Variants in LAMA4 observed in about 807,000 individuals in gnomAD.
The protein encoded by LAMA4 is laminin subunit alpha-4.
In LAMA4, 127 loss-of-function variants were observed where a neutral mutation model predicts 207.1. The ratio of observed to expected loss-of-function variants is 0.61; its 90% CI spans 0.53 to 0.71. LAMA4 has a LOEUF of 0.71. LAMA4 is among the 30% of genes least tolerant of loss of function. The pLI is 0.00. For missense variants in LAMA4, 2,093 were observed against 2,246.5 expected, an observed-to-expected ratio of 0.93 and a Z score of 1.38; for synonymous variants, 761 against 816.0, an observed-to-expected ratio of 0.93 and a Z score of 1.15.
Position 112,131,072 on chromosome 6 carries a change from A to G in LAMA4, c.3864T>C (p.Asn1288=), listed in dbSNP as rs1554329622. Residue 1288 remains asparagine (N), a synonymous_variant, in exon 29 of 39, where the codon AAT becomes AAC. Transcript: ENST00000230538. The part of the protein sequence containing the change: ...GSDVFSISLD[N]GTVIMDVKGI... Reference sequence around the variant, plus strand: ...CCTTTACATCCATGATGACAGTACCATTATCCAGTGAGATGGAGAACACGT... The same window carrying G: ...CCTTTACATCCATGATGACAGTACCGTTATCCAGTGAGATGGAGAACACGT... 2.5e-6 allele frequency: 4 copies of G among 1,613,164 alleles called. No individual in the cohort carries two copies. The highest frequency in any genetic ancestry group is 3.4e-6 in the Non-Finnish European group (4 of 1,179,264).
chr6:112,239,301 G>A (rs1786188332), intron 2 of LAMA4, among the ~76,000 whole-genome samples: 1 of 127,574 alleles, frequency 7.8e-6, no homozygotes, highest in Non-Finnish European at 1.6e-5. Flanking sequence ...CCAGCCAGGT[G>A]ACAGAGTGAG....
intron 18 of LAMA4, among the ~76,000 whole-genome samples, chr6:112,146,646 G>T (rs1780049062): frequency 6.6e-6 from 1 of 152,150 alleles, no homozygotes; most frequent in African/African-American, 2.4e-5. Context: ...TAGTAGCTGG[G>T]CAAGAGCAAG....
intron 3 of LAMA4, among the ~76,000 whole-genome samples, chr6:112,215,512 T>C (rs1554358310): frequency 2.2e-5 from 3 of 136,174 alleles, no homozygotes; most frequent in African/African-American, 3.2e-5. Context: ...AAAATACTCT[T>C]GTAGTTTTGG....
Position 112,109,248 on chromosome 6 carries a change from A to C in LAMA4, c.*189T>G. 1.5e-6 allele frequency: 1 copy of C among 673,698 alleles called. No homozygotes were observed. Among genetic ancestry groups the C allele is most frequent in the Non-Finnish European group, 2.5e-6 (1 of 393,562 alleles). The allele number at this position is 673,698 out of a possible 1,614,324, so 41.7% of individuals were successfully genotyped here. A position where few individuals can be genotyped will look rare whatever the true frequency, so the allele number is the denominator to read the frequency against. ...CCTTCAATTGTTGTCCATTGCAGAC[A>C]CTTTGGATTCAAGGTTAAGAATCCA... On this transcript the variant is annotated 3_prime_UTR_variant, in exon 39 of 39. Coordinates refer to ENST00000230538, the MANE Select transcript of LAMA4 (RefSeq NM_001105206.3).
chr6:112,146,498 G>A (rs1240623573), intron 18 of LAMA4, among the ~76,000 whole-genome samples: 2 of 152,316 alleles, frequency 1.3e-5, no homozygotes, highest in Non-Finnish European at 2.9e-5. Context: ...GCAGTTCCTG[G>A]AGTGGGATCC....
intron 2 of LAMA4, among the ~76,000 whole-genome samples, chr6:112,229,244 A>G (rs1785406419): frequency 6.6e-6 from 1 of 152,148 alleles, no homozygotes. Context: ...GCTTCTTTCA[A>G]TCATGTCTTC....
chr6:112,149,511 T>C (rs1356955779), intron 17 of LAMA4, among the ~76,000 whole-genome samples: 1 of 152,206 alleles, frequency 6.6e-6, no homozygotes, highest in Non-Finnish European at 1.5e-5. Flanking sequence ...CGTGGTTTTA[T>C]AAGTGTCTGG....
At chr6:112,214,129 ACAG>A in intron 3 of LAMA4, 1 of 620,456 alleles carries the variant, frequency 1.6e-6, no homozygotes, top group Non-Finnish European at 2.9e-6. Flanking sequence ...GTGTGACACC[ACAG>A]ACTTAACATA....
chr6:112,144,732 T>C lies in LAMA4; in HGVS notation c.2493+62A>G, dbSNP rs1413481292. ...CAGGCTCTGGAAGCTGCCCAAGCAG[T>C]TGGAGCTCAGCTTCGTGTTATTATT... On this transcript the variant is annotated intron_variant, in intron 19 of 38. Transcript: ENST00000230538. 2.1e-5 allele frequency: 34 copies of C among 1,587,486 alleles called. 1 individual carries two copies. In the South Asian group the frequency reaches 3.4e-4, roughly 16 times the overall value.
chr6:112,132,285 C>G (rs1176981563), intron 28 of LAMA4, among the ~76,000 whole-genome samples: 3 of 151,994 alleles, frequency 2.0e-5, no homozygotes, highest in African/African-American at 7.2e-5. Context: ...GAATAAGATT[C>G]CATAGCAGAC....
rs1405585293 is a variant in LAMA4, at chr6:112,158,896, T to A, written c.1669-16A>T. ...CTGACGCATTCTAAAGAAAAAAATT[T>A]TAATAAATACATTGAATTTAGAAGA... On this transcript the variant is annotated splice_polypyrimidine_tract_variant and intron_variant, in intron 13 of 38. Transcript: ENST00000230538. 2 of 1,556,724 alleles carry A rather than the reference T, an allele frequency of 1.3e-6. No homozygotes were observed. Among genetic ancestry groups the A allele is most frequent in the Non-Finnish European group, 1.8e-6 (2 of 1,129,364 alleles).
intron 2 of LAMA4, among the ~76,000 whole-genome samples, chr6:112,220,217 A>G (rs1256606380): frequency 3.9e-5 from 6 of 152,204 alleles, no homozygotes; most frequent in African/African-American, 1.4e-4. Context: ...CCACTAAGTT[A>G]CTTGTAGATC....
At chr6:112,215,174 C>G (rs1384005272) in intron 3 of LAMA4, among the ~76,000 whole-genome samples, 1 of 152,166 alleles carries the variant, frequency 6.6e-6, no homozygotes, top group Admixed American at 6.5e-5. Context: ...ACTTTGGCAG[C>G]TGCAGAAGCC....
intron 2 of LAMA4, among the ~76,000 whole-genome samples, chr6:112,223,000 T>C (rs955799403): frequency 1.3e-5 from 2 of 152,234 alleles, no homozygotes; most frequent in African/African-American, 4.8e-5. Flanking sequence ...TTGTTGCTTA[T>C]ATAACATAAC....
intron 38 of LAMA4, among the ~76,000 whole-genome samples, chr6:112,111,236 G>T (rs1005889660): frequency 6.6e-6 from 1 of 152,058 alleles, no homozygotes; most frequent in Non-Finnish European, 1.5e-5. Context: ...TAGAGATGGG[G>T]TTTTGCCATG....
chr6:112,188,126 T>C lies in LAMA4; in HGVS notation c.815-525A>G, dbSNP rs546422642. 1.2e-4 allele frequency among the ~76,000 whole-genome samples: 19 copies of C among 152,336 alleles called. 1 individual carries two copies. The South Asian group carries it at 3.9e-3, about 32-fold the overall frequency. ...CACTCACAAGGATGGCACTCTGTGTTTCAGAACTGCCTTGATCACCTTTTG... is the reference window on the plus strand; with the variant it reads ...CACTCACAAGGATGGCACTCTGTGTCTCAGAACTGCCTTGATCACCTTTTG... On this transcript the variant is annotated intron_variant, in intron 7 of 38. Coordinates refer to ENST00000230538, the MANE Select transcript of LAMA4 (RefSeq NM_001105206.3).
intron 11 of LAMA4, among the ~76,000 whole-genome samples, chr6:112,174,620 G>A (rs1427406106): frequency 1.3e-5 from 2 of 152,194 alleles, no homozygotes; most frequent in Admixed American, 6.5e-5. Context: ...AGCCTCCCTA[G>A]TAGCTGGGAC....
At chr6:112,174,279 G>A (rs1405799162) in intron 11 of LAMA4, among the ~76,000 whole-genome samples, 5 of 152,200 alleles carry the variant, frequency 3.3e-5, no homozygotes, top group African/African-American at 9.6e-5. Flanking sequence ...CTGCCGTTAT[G>A]TGAACAACCT....
intron 19 of LAMA4, among the ~76,000 whole-genome samples, chr6:112,143,221 G>A (rs1396375337): frequency 1.3e-5 from 2 of 151,798 alleles, no homozygotes; most frequent in African/African-American, 4.8e-5. Context: ...GTGAGCTCAA[G>A]GCTCTATTTC....
Sources: allele counts gnomAD v4.1 joint callset (sites outside exome capture counted in the v4.1 genomes callset), GRCh38; gene constraint gnomAD v4.1.1; transcripts MANE v1.5; gene names NCBI Gene and HGNC (gene_info 2026-07-23, HGNC 2026-07-21).